Variants in PTPRD observed in about 807,000 individuals in gnomAD.
PTPRD encodes the protein protein tyrosine phosphatase receptor type D.
PTPRD carries 34 observed loss-of-function variants against 214.5 expected under a neutral mutation model. The ratio of observed to expected loss-of-function variants is 0.16; its 90% CI spans 0.12 to 0.21. The LOEUF is 0.21. Ranked by LOEUF, PTPRD falls within the 10% of genes least tolerant of loss-of-function variation. The pLI is 1.00. For synonymous variants in PTPRD, 1,128 were observed against 845.7 expected, an observed-to-expected ratio of 1.33 and a Z score of -5.79; for missense variants, 2,545 against 2,398.7, an observed-to-expected ratio of 1.06 and a Z score of -1.27.
rs142177051 is a variant in PTPRD, at chr9:9,878,511, G to A, written c.-368+59996C>T. Among the ~76,000 whole-genome samples the A allele has an allele frequency of 1.1e-3, 160 of 152,264 alleles. 1 individual carries two copies. Among genetic ancestry groups the A allele is most frequent in the African/African-American group, 3.7e-3 (152 of 41,560 alleles). On this transcript the variant is annotated intron_variant, in intron 5 of 45. Transcript: ENST00000381196. ...CATTATCCAGGAGGGGCAAATAAATGTAATAGCAGACAAATTAACCTGAAT... is the reference window on the plus strand; with the variant it reads ...CATTATCCAGGAGGGGCAAATAAATATAATAGCAGACAAATTAACCTGAAT...
rs148053095 is a variant in PTPRD at position 8,998,535 on chromosome 9, C to G, written c.-104+20162G>C. 2.0e-3 allele frequency among the ~76,000 whole-genome samples: 300 copies of G among 152,106 alleles called. 1 individual carries two copies. The highest frequency in any genetic ancestry group is 6.6e-3 in the African/African-American group (274 of 41,512). On this transcript the variant is annotated intron_variant, in intron 11 of 45. Transcript: ENST00000381196. ...AAAAACATTGCTGCTCATTGACAAG[C>G]ACCTAGTTACCCAAGAGCTCTGATG...
At chr9:9,719,087 G>C (rs2097887983) in intron 7 of PTPRD, among the ~76,000 whole-genome samples, 1 of 152,198 alleles carries the variant, frequency 6.6e-6, no homozygotes, top group Middle Eastern at 3.4e-3. Context: ...CTTTTTCCAG[G>C]CCTGTCCATG....
Position 8,504,327 on chromosome 9 carries a change from C to T in PTPRD, c.1756G>A (p.Ala586Thr), listed in dbSNP as rs2137226451. Residue 586 changes from alanine (A) to threonine (T), a missense_variant, in exon 23 of 46, where the codon GCT (alanine) becomes ACT (threonine). Physicochemically the swap from Ala to Thr is moderately conservative, Grantham distance 58. Coordinates refer to ENST00000381196, the MANE Select transcript of PTPRD (RefSeq NM_002839.4). ...KPNSLYYFRLAARSPQGLGAS... is the reference protein window; with the variant it reads ...KPNSLYYFRLTARSPQGLGAS... ...CCCAGGCCTTGAGGGGAGCGTGCAGCCAGACGGAAATAGTATAAGCTGTTT... is the reference window on the plus strand; with the variant it reads ...CCCAGGCCTTGAGGGGAGCGTGCAGTCAGACGGAAATAGTATAAGCTGTTT... The T allele has an allele frequency of 6.2e-7, 1 of 1,614,086 alleles. No homozygotes were observed.
intron 5 of PTPRD, among the ~76,000 whole-genome samples, chr9:9,828,265 C>A (rs1753500062): frequency 1.3e-5 from 2 of 152,142 alleles, no homozygotes; most frequent in Admixed American, 6.6e-5. Context: ...AAATGTCCAA[C>A]AATGATAGAC....
chr9:9,014,032 GT>G (rs34424358), intron 11 of PTPRD, among the ~76,000 whole-genome samples: 52,194 of 151,730 alleles, frequency 0.34, 9,196 homozygotes, highest in Middle Eastern at 0.45. Flanking sequence ...ATCTTCTGAT[GT>G]TCATAATAAG....
chr9:9,496,356 T>C (rs4534173), intron 8 of PTPRD, among the ~76,000 whole-genome samples: 76,147 of 151,846 alleles, frequency 0.5, 19,541 homozygotes, highest in East Asian at 0.67. Context: ...ATATCCAGAA[T>C]CTATAGAGAA....
At chr9:9,347,100 G>C (rs2049131963) in intron 9 of PTPRD, among the ~76,000 whole-genome samples, 1 of 152,128 alleles carries the variant, frequency 6.6e-6, no homozygotes, top group Non-Finnish European at 1.5e-5. Flanking sequence ...CTGGGAGGTT[G>C]AGGCTGCCGT....
intron 2 of PTPRD, among the ~76,000 whole-genome samples, chr9:10,586,228 A>G (rs2073849727): frequency 6.6e-6 from 1 of 152,022 alleles, no homozygotes; most frequent in Non-Finnish European, 1.5e-5. Flanking sequence ...AATACGAGCA[A>G]ATAATTATTT....
chr9:8,343,623 C>T (rs1271065707), intron 39 of PTPRD, among the ~76,000 whole-genome samples: 1 of 152,008 alleles, frequency 6.6e-6, no homozygotes, highest in East Asian at 1.9e-4. Context: ...TCATCCTCTG[C>T]CTCAGATCCC....
chr9:9,273,500 TA>T (rs1388012275), intron 9 of PTPRD, among the ~76,000 whole-genome samples: 2 of 151,344 alleles, frequency 1.3e-5, no homozygotes, highest in African/African-American at 4.8e-5. Context: ...TAGTGTACAT[TA>T]AATATAGAAG....
chr9:8,789,410 G>A (rs974379720), intron 11 of PTPRD, among the ~76,000 whole-genome samples: 5 of 152,160 alleles, frequency 3.3e-5, no homozygotes, highest in Admixed American at 1.3e-4. Context: ...GTTAGTAGCC[G>A]TAATTCCCAC....
At position 9,006,961 on chromosome 9, in the gene PTPRD, T is replaced by C. The variant is rs1043818672; in HGVS notation, c.-104+11736A>G. Among the ~76,000 whole-genome samples the C allele has an allele frequency of 9.9e-5, 15 of 152,098 alleles. 1 individual carries two copies. Among genetic ancestry groups the C allele is most frequent in the South Asian group, 4.1e-4 (2 of 4,822 alleles). ...CTCTTTCTTCCTCTGTCCCAACCTA[T>C]AGCAAGATAGGGTAGAGAAAATGGA... is the stretch of plus-strand genomic sequence containing the variant. On this transcript the variant is annotated intron_variant, in intron 11 of 45. Transcript: ENST00000381196.
chr9:9,828,150 C>T (rs1344322224), intron 5 of PTPRD, among the ~76,000 whole-genome samples: 2 of 152,108 alleles, frequency 1.3e-5, no homozygotes, highest in Non-Finnish European at 2.9e-5. Flanking sequence ...CATCCCATTA[C>T]TGAGTATATA....
chr9:10,561,146 G>A (rs1341654668), intron 2 of PTPRD, among the ~76,000 whole-genome samples: 1 of 152,058 alleles, frequency 6.6e-6, no homozygotes, highest in Non-Finnish European at 1.5e-5. Flanking sequence ...CTAGATTTTG[G>A]TTTTAAACAG....
chr9:8,387,043 T>C (rs1589246296), intron 37 of PTPRD, among the ~76,000 whole-genome samples: 1 of 152,278 alleles, frequency 6.6e-6, no homozygotes, highest in South Asian at 2.1e-4. Context: ...AAATGCCTAT[T>C]GGCTTATGCA....
At chr9:9,347,883 C>T (rs527941460) in intron 9 of PTPRD, among the ~76,000 whole-genome samples, 1 of 152,104 alleles carries the variant, frequency 6.6e-6, no homozygotes, top group South Asian at 2.1e-4. Flanking sequence ...AGCTCATTAC[C>T]ACTGCCATTA....
intron 11 of PTPRD, among the ~76,000 whole-genome samples, chr9:8,996,801 A>G (rs1009631317): frequency 6.6e-6 from 1 of 151,848 alleles, no homozygotes; most frequent in Non-Finnish European, 1.5e-5. Context: ...ACCTCTTAAT[A>G]CTTTTACTTA....
At chr9:10,191,508 C>A (rs2099363453) in intron 3 of PTPRD, among the ~76,000 whole-genome samples, 1 of 152,090 alleles carries the variant, frequency 6.6e-6, no homozygotes, top group Admixed American at 6.5e-5. Flanking sequence ...AAAATGCCTG[C>A]AATTTCCAGT....
chr9:8,373,856 G>A (rs199720742), intron 39 of PTPRD, among the ~76,000 whole-genome samples: 122 of 86,568 alleles, frequency 1.4e-3, no homozygotes, highest in Middle Eastern at 6.4e-3. Flanking sequence ...ATGTGTATGT[G>A]TCTGTCTGTC....
Sources: allele counts gnomAD v4.1 joint callset (sites outside exome capture counted in the v4.1 genomes callset), GRCh38; gene constraint gnomAD v4.1.1; transcripts MANE v1.5; gene names NCBI Gene and HGNC (gene_info 2026-07-23, HGNC 2026-07-21).